Variants in BRD7 observed in about 807,000 individuals in gnomAD.
BRD7 encodes the protein bromodomain containing 7, also known as bromodomain-containing protein 7.
A neutral mutation model predicts 82.1 loss-of-function variants in BRD7; 15 were observed. That is an observed-to-expected ratio of 0.18 (90% CI 0.12 to 0.28). BRD7 has a LOEUF of 0.28. Ranked by LOEUF, BRD7 falls within the 10% of genes least tolerant of loss-of-function variation. The pLI, the probability that BRD7 is intolerant of heterozygous loss-of-function variation, is 1.00. For missense variants in BRD7, 638 were observed against 779.9 expected (o/e 0.82, Z 2.17); for synonymous variants, 232 against 266.9 (o/e 0.87, Z 1.27).
intron 16 of BRD7, among the ~76,000 whole-genome samples, chr16:50,319,652 C>G (rs971942546): frequency 6.6e-6 from 1 of 152,110 alleles, no homozygotes; most frequent in Non-Finnish European, 1.5e-5. Flanking sequence ...AAAATACAGT[C>G]TATTAACTAC....
Position 50,318,225 on chromosome 16 carries a change from C to CATAAG in BRD7, c.*981_*985dup, listed in dbSNP as rs1384690928. 1 of 152,342 alleles carries CATAAG rather than the reference C, an allele frequency of 6.6e-6. No individual in the cohort carries two copies. Among genetic ancestry groups the CATAAG allele is most frequent in the South Asian group, 2.1e-4 (1 of 4,832 alleles). 9.4% of individuals were successfully genotyped at this position (152,342 alleles called of 1,614,324 possible). A position where few individuals can be genotyped will look rare whatever the true frequency, so the allele number is the denominator to read the frequency against. ...CAACTTGAAAATTTGACTCTTTTAG[C>CATAAG]ATAAGATTTTAAGTCTTTTGAGGGA... On this transcript the variant is annotated 3_prime_UTR_variant, in exon 17 of 17. Transcript: ENST00000394688.
chr16:50,335,398 CAGTT>C (rs1263481848), intron 6 of BRD7, among the ~76,000 whole-genome samples: 1 of 152,226 alleles, frequency 6.6e-6, no homozygotes, highest in East Asian at 1.9e-4. Flanking sequence ...GAGGAGAAGA[CAGTT>C]GGTGGCACAG....
intron 2 of BRD7, among the ~76,000 whole-genome samples, chr16:50,366,853 T>C (rs1010710165): frequency 6.6e-6 from 1 of 152,194 alleles, no homozygotes; most frequent in African/African-American, 2.4e-5. Context: ...GGAGTCTATG[T>C]GAAGGATTGG....
intron 5 of BRD7, among the ~76,000 whole-genome samples, chr16:50,343,713 C>T (rs2038166412): frequency 6.6e-6 from 1 of 152,226 alleles, no homozygotes; most frequent in Non-Finnish European, 1.5e-5. Flanking sequence ...GTTAGCACAG[C>T]AGTCTGAGAT....
intron 3 of BRD7, 103 bp from the exon 4 acceptor site, chr16:50,354,585 G>C: frequency 8.3e-7 from 1 of 1,206,814 alleles, no homozygotes. Flanking sequence ...ATCTCATACA[G>C]AAATTCCATT....
intron 2 of BRD7, among the ~76,000 whole-genome samples, chr16:50,363,809 C>T (rs1240031563): frequency 2.0e-5 from 3 of 152,150 alleles, no homozygotes; most frequent in Non-Finnish European, 4.4e-5. Context: ...AATCCTAGTA[C>T]TTTTGGGAGG....
chr16:50,354,396 T>C, intron 4 of BRD7, 29 bp downstream of exon 4: 1 of 1,573,170 alleles, frequency 6.4e-7, no homozygotes, highest in Non-Finnish European at 8.7e-7. Flanking sequence ...TTAATTTCTA[T>C]GTTATAAAAA....
chr16:50,319,772 A>ATCTT (rs1482393220), intron 16 of BRD7, 115 bp downstream of exon 16: 3 of 1,374,126 alleles, frequency 2.2e-6, no homozygotes, highest in Non-Finnish European at 3.0e-6. Flanking sequence ...AGATTTTGCT[A>ATCTT]TCTTTGTGGG....
chr16:50,341,673 T>C (rs949218691), intron 5 of BRD7, among the ~76,000 whole-genome samples: 1 of 150,068 alleles, frequency 6.7e-6, no homozygotes, highest in Non-Finnish European at 1.5e-5. Context: ...AAATATGTAT[T>C]TGGGGGGATG....
chr16:50,350,665 TA>T (rs113012924), intron 4 of BRD7, among the ~76,000 whole-genome samples: 96 of 152,288 alleles, frequency 6.3e-4, no homozygotes, highest in Non-Finnish European at 1.2e-3. Context: ...TGGGGGATGC[TA>T]AAAAAACTGA....
intron 5 of BRD7, among the ~76,000 whole-genome samples, chr16:50,340,962 T>A (rs984940524): frequency 3.3e-5 from 5 of 152,202 alleles, no homozygotes; most frequent in African/African-American, 4.8e-5. Flanking sequence ...AATTCCACTA[T>A]TTAATAGTGA....
chr16:50,365,170 A>AC (rs1274873803), intron 2 of BRD7, among the ~76,000 whole-genome samples: 2 of 139,032 alleles, frequency 1.4e-5, no homozygotes, highest in African/African-American at 6.0e-5. Flanking sequence ...GACGAGCCAA[A>AC]ATAAGGAGAA....
At position 50,368,879 on chromosome 16, in the gene BRD7, A is replaced by C. The variant is rs1304974055; in HGVS notation, c.-105T>G. The C allele has an allele frequency of 1.4e-6, 1 of 738,706 alleles. No individual in the cohort carries two copies. Among genetic ancestry groups the C allele is most frequent in the Non-Finnish European group, 1.7e-6 (1 of 591,776 alleles). The allele number at this position is 738,706 out of a possible 1,614,324, so 45.8% of individuals were successfully genotyped here. On this transcript the variant is annotated 5_prime_UTR_variant, in exon 1 of 17. Coordinates refer to ENST00000394688, the MANE Select transcript of BRD7 (RefSeq NM_013263.5). Reference sequence around the variant, plus strand: ...GGAGGGCGGGAGCGGGGCCCGCGAGACCCCGCGCCGCGAGGCAGGGGGGCG... The same window carrying C: ...GGAGGGCGGGAGCGGGGCCCGCGAGCCCCCGCGCCGCGAGGCAGGGGGGCG...
At chr16:50,361,341 T>A (rs971912647) in intron 2 of BRD7, among the ~76,000 whole-genome samples, 4 of 152,224 alleles carry the variant, frequency 2.6e-5, no homozygotes, top group Non-Finnish European at 4.4e-5. Flanking sequence ...TTAATGCTTT[T>A]GAGTAAAAAA....
At chr16:50,331,421 G>C (rs1298176464) in intron 8 of BRD7, among the ~76,000 whole-genome samples, 1 of 152,208 alleles carries the variant, frequency 6.6e-6, no homozygotes, top group Admixed American at 6.5e-5. Context: ...TATACTACAG[G>C]CTGGGCACGG....
intron 2 of BRD7, 82 bp downstream of exon 2, chr16:50,368,008 A>C: frequency 1.9e-5 from 26 of 1,340,836 alleles, no homozygotes; most frequent in Non-Finnish European, 1.5e-5. Context: ...TGTTTTCCCC[A>C]GATACAAAGA....
intron 5 of BRD7, among the ~76,000 whole-genome samples, chr16:50,344,288 T>C (rs1234079402): frequency 6.6e-6 from 1 of 152,136 alleles, no homozygotes; most frequent in Admixed American, 6.5e-5. Context: ...CAAAGGTACA[T>C]AAAACCACAA....
At chr16:50,346,732 C>T (rs2038299704) in intron 5 of BRD7, among the ~76,000 whole-genome samples, 1 of 152,192 alleles carries the variant, frequency 6.6e-6, no homozygotes, top group East Asian at 1.9e-4. Context: ...AGCTGAATCC[C>T]TGAATAGACC....
intron 2 of BRD7, among the ~76,000 whole-genome samples, chr16:50,356,985 C>A (rs776851350): frequency 6.6e-6 from 1 of 152,154 alleles, no homozygotes; most frequent in East Asian, 1.9e-4. Flanking sequence ...GTATCTACAG[C>A]AATGGTTCTC....
Sources: gnomAD v4.1 joint callset for allele counts (sites outside exome capture counted in the v4.1 genomes callset) on GRCh38, gnomAD v4.1.1 for gene constraint, MANE v1.5 for transcripts, NCBI Gene and HGNC (gene_info 2026-07-23, HGNC 2026-07-21) for gene names.